Variants in DTX2 observed in about 807,000 individuals in gnomAD.
DTX2 encodes probable E3 ubiquitin-protein ligase DTX2.
In DTX2, 29 loss-of-function variants were observed where a neutral mutation model predicts 55.3. That is an observed-to-expected ratio of 0.52 (90% CI 0.39 to 0.71). The LOEUF is 0.71. Among genes scored for constraint, DTX2 ranks in the 30% least tolerant of loss-of-function variants. The pLI is 0.00. For missense variants in DTX2, 537 were observed against 822.5 expected (o/e 0.65, Z 4.25); for synonymous variants, 276 against 340.4 (o/e 0.81, Z 2.08).
chr7:76,481,924 C>T (rs560428912), intron 3 of DTX2, among the ~76,000 whole-genome samples: 11 of 151,422 alleles, frequency 7.3e-5, no homozygotes, highest in African/African-American at 2.7e-4. Context: ...TCTTCAACTC[C>T]TGAGCTCAAG....
At chr7:76,491,688 A>T (rs560894212) in intron 4 of DTX2, among the ~76,000 whole-genome samples, 2,395 of 25,596 alleles carry the variant, frequency 0.094, 197 homozygotes, top group African/African-American at 0.27. Flanking sequence ...CAGAGTCTTT[A>T]TTTTTTTTTT....
At position 76,484,124 on chromosome 7, in the gene DTX2, A is replaced by T. The variant is rs1461420291; in HGVS notation, c.908+977A>T. ...TTTGGGAGGCCGAGGTGGGCGGATCACCTGAGGTCAGGAGTTCAAGACCAG... is the reference window on the plus strand; with the variant it reads ...TTTGGGAGGCCGAGGTGGGCGGATCTCCTGAGGTCAGGAGTTCAAGACCAG... On this transcript the variant is annotated intron_variant, in intron 4 of 10. Coordinates refer to ENST00000430490, the MANE Select transcript of DTX2 (RefSeq NM_001102594.3). Among the ~76,000 whole-genome samples the T allele has an allele frequency of 2.4e-5, 3 of 127,506 alleles. No homozygotes were observed. In the East Asian group the frequency reaches 6.9e-4, roughly 30 times the overall value. The allele number at this position is 127,506 out of a possible 152,430, so 83.6% of individuals were successfully genotyped here. A position where few individuals can be genotyped will look rare whatever the true frequency, so the allele number is the denominator to read the frequency against.
At position 76,480,863 on chromosome 7, in the gene DTX2, G is replaced by A. The variant is rs1001986349; in HGVS notation, c.268+86G>A. On this transcript the variant is annotated intron_variant, in intron 3 of 10. Transcript: ENST00000430490. ...TGCGCCAGGTGTTGGGGTGATGGAC[G>A]TGACTTACAGAGCTTCTGCTCTCTC... 1.1e-5 allele frequency: 16 copies of A among 1,430,106 alleles called. No individual in the cohort carries two copies. The Admixed American group carries it at 3.2e-4, about 29-fold the overall frequency. The allele number at this position is 1,430,106 out of a possible 1,614,324, so 88.6% of individuals were successfully genotyped here.
At chr7:76,500,122 G>A (rs552576670) in intron 6 of DTX2, 1 of 344,972 alleles carries the variant, frequency 2.9e-6, no homozygotes, top group African/African-American at 2.3e-5. Context: ...AGAAGCGCCG[G>A]GGTCGGTTCC....
chr7:76,503,439 A>C lies in DTX2; in HGVS notation c.1403A>C (p.Gln468Pro), dbSNP rs1413931115. Residue 468 changes from glutamine (Q) to proline (P), a missense_variant, in exon 9 of 11, where the codon CAG becomes CCG. Around this residue, in one of 7 missense-constraint regions of DTX2, gnomAD observed 121 missense variants for 136.8 expected, o/e 0.88. Transcript: ENST00000430490. ...YCNGNKDGSL[Q>P]CPSCKTIYGE... is the part of the protein sequence containing the mutation. The stretch of plus-strand genomic sequence containing the variant: ...TGCCTCTGTCAGGATGGAAGTCTGC[A>C]GTGTCCCTCCTGCAAAACCATCTAT... The C allele has an allele frequency of 6.2e-7, 1 of 1,612,532 alleles. No homozygotes were observed. The highest frequency in any genetic ancestry group is 1.3e-5 in the African/African-American group (1 of 74,898).
intron 3 of DTX2, among the ~76,000 whole-genome samples, chr7:76,481,255 C>T (rs1295919848): frequency 1.3e-5 from 2 of 151,758 alleles, no homozygotes; most frequent in East Asian, 1.9e-4. Context: ...GGCGCAGTCT[C>T]GGCTCACTGC....
At position 76,463,699 on chromosome 7, in the gene DTX2, A is replaced by G. The variant is rs1477231829; in HGVS notation, c.-100A>G. On this transcript the variant is annotated 5_prime_UTR_variant, in exon 2 of 11. Coordinates refer to ENST00000430490, the MANE Select transcript of DTX2 (RefSeq NM_001102594.3). ...AAGGGACAGTTTGTGCCAGCTCTCC[A>G]GAGAGAAAAGGTGAGAGCCATGGGG... is the stretch of plus-strand genomic sequence containing the variant. 1 of 151,214 alleles carries G rather than the reference A, an allele frequency of 6.6e-6. No individual in the cohort carries two copies. Among genetic ancestry groups the G allele is most frequent in the Non-Finnish European group, 1.5e-5 (1 of 67,924 alleles). 9.4% of individuals were successfully genotyped at this position (151,214 alleles called of 1,614,324 possible). A position where few individuals can be genotyped will look rare whatever the true frequency, so the allele number is the denominator to read the frequency against.
intron 7 of DTX2, chr7:76,501,338 C>T (rs1192468815): frequency 6.6e-6 from 3 of 453,662 alleles, no homozygotes; most frequent in Non-Finnish European, 8.9e-6. Context: ...CCTCATGTGT[C>T]CCACCCCTTC....
intron 2 of DTX2, chr7:76,476,974 A>T (rs181503294): frequency 2.0e-5 from 3 of 152,242 alleles, no homozygotes; most frequent in African/African-American, 7.2e-5. Flanking sequence ...GAGTTGGTTC[A>T]TCCGGGCCAT....
At chr7:76,475,669 G>A (rs924617227) in intron 2 of DTX2, among the ~76,000 whole-genome samples, 4 of 150,990 alleles carry the variant, frequency 2.6e-5, no homozygotes, top group African/African-American at 9.8e-5. Context: ...CCTGGCGACA[G>A]AGCAAGGCTC....
chr7:76,495,672 C>G (rs1198556185), intron 5 of DTX2, among the ~76,000 whole-genome samples: 2 of 150,070 alleles, frequency 1.3e-5, no homozygotes, highest in Non-Finnish European at 3.0e-5. Flanking sequence ...CAGGCACTGC[C>G]CCAGCGGGGT....
intron 2 of DTX2, chr7:76,477,197 G>GT (rs1443982613): frequency 2.7e-5 from 4 of 146,104 alleles, no homozygotes; most frequent in Admixed American, 2.0e-4. Context: ...TTCGGGGCAG[G>GT]TTGTGGGCTT....
chr7:76,476,191 C>A, intron 2 of DTX2, among the ~76,000 whole-genome samples: 1 of 73,994 alleles, frequency 1.4e-5, no homozygotes, highest in Non-Finnish European at 2.6e-5. Context: ...TTCCCATGGC[C>A]AATTATAATA....
At chr7:76,480,810 G>T (rs1207383099) in intron 3 of DTX2, 33 bp downstream of exon 3, 3 of 1,546,324 alleles carry the variant, frequency 1.9e-6, no homozygotes, top group Non-Finnish European at 2.6e-6. Context: ...CACATATCTG[G>T]GTGCCGCACC....
intron 4 of DTX2, among the ~76,000 whole-genome samples, chr7:76,490,204 T>C (rs1810271142): frequency 1.2e-5 from 1 of 84,950 alleles, no homozygotes; most frequent in Non-Finnish European, 2.4e-5. Context: ...CACGCACCTG[T>C]AGTCCCAGCT....
chr7:76,482,705 T>C lies in DTX2; in HGVS notation c.466T>C (p.Tyr156His), dbSNP rs558211857. ...APLGYNYTVN[Y>H]TTHTQTNKTS... ...CCTGGGGTACAACTACACTGTCAACTACACCACCCACACGCAGACCAACAA... is the reference window on the plus strand; with the variant it reads ...CCTGGGGTACAACTACACTGTCAACCACACCACCCACACGCAGACCAACAA... The change falls in exon 4 of 11, where the codon TAC becomes CAC. Residue 156 changes from tyrosine (Y) to histidine (H), a missense_variant. Transcript: ENST00000430490. The C allele has an allele frequency of 2.5e-6, 4 of 1,613,770 alleles. No homozygotes were observed. Among genetic ancestry groups the C allele is most frequent in the South Asian group, 1.1e-5 (1 of 91,074 alleles).
At chr7:76,480,108 A>G (rs1808997054) in intron 2 of DTX2, among the ~76,000 whole-genome samples, 1 of 105,914 alleles carries the variant, frequency 9.4e-6, no homozygotes, top group Admixed American at 9.6e-5. Context: ...TGGGACTTTG[A>G]GACCAGCCTG....
At position 76,481,703 on chromosome 7, in the gene DTX2, T is replaced by TC. The variant is rs1364284420; in HGVS notation, c.269-803dup. ...TGGAGGCCAGGGATGCTGCTCGCCA[T>TC]CCGGCAGTGCACTGGGCTGGCCCTG... On this transcript the variant is annotated intron_variant, in intron 3 of 10. Transcript: ENST00000430490. Among the ~76,000 whole-genome samples, 13 of 151,768 alleles carry TC rather than the reference T, an allele frequency of 8.6e-5. 1 individual carries two copies. Among genetic ancestry groups the TC allele is most frequent in the African/African-American group, 2.7e-4 (11 of 41,288 alleles).
intron 4 of DTX2, among the ~76,000 whole-genome samples, chr7:76,486,884 C>CTGCTGCTGCTTT (rs59594095): frequency 0.066 from 9,826 of 148,484 alleles, 14 homozygotes; most frequent in Non-Finnish European, 0.084. Context: ...GCTGCTGCTG[C>CTGCTGCTGCTTT]TGCCCTTGCC....
Sources: allele counts gnomAD v4.1 joint callset (sites outside exome capture counted in the v4.1 genomes callset), GRCh38; gene constraint gnomAD v4.1.1; regional missense constraint gnomAD v4.1.1; transcripts MANE v1.5; gene names NCBI Gene and HGNC (gene_info 2026-07-23, HGNC 2026-07-21).